Variants in PTBP3 observed in about 807,000 individuals in gnomAD.
PTBP3 encodes polypyrimidine tract binding protein 3.
PTBP3 carries 20 observed loss-of-function variants against 58.7 expected under a neutral mutation model. The ratio of observed to expected loss-of-function variants is 0.34; its 90% confidence interval spans 0.24 to 0.50. PTBP3 has a LOEUF of 0.50. Among genes scored for constraint, PTBP3 ranks in the 20% least tolerant of loss-of-function variants. PTBP3 has a pLI of 0.98. For synonymous variants in PTBP3, 185 were observed against 219.8 expected (o/e 0.84, Z 1.40); for missense variants, 509 against 637.2 (o/e 0.80, Z 2.17).
At chr9:112,357,182 T>C in the PTBP3 span, among the ~76,000 whole-genome samples, 1 of 151,934 alleles carries the variant, frequency 6.6e-6, no homozygotes, top group African/African-American at 2.4e-5. Flanking sequence ...GCACCCGGCC[T>C]CCCTCTACCT....
In PTBP3 at chr9:112,301,915, A is replaced by G. The variant is rs182078709; in HGVS notation, c.-51-3999T>C. 3.9e-5 allele frequency among the ~76,000 whole-genome samples: 6 copies of G among 152,304 alleles called. No individual in the cohort carries two copies. In the East Asian group the frequency reaches 9.6e-4, roughly 24 times the overall value. ...TAAAATTAAAATTAAAAAATAAAAT[A>G]TAGGACAACAGGTACTTCATTCTCA... On this transcript the variant is annotated intron_variant, in intron 1 of 13. Transcript: ENST00000374257.
At chr9:112,259,726 T>G (rs1007331945) in intron 5 of PTBP3, among the ~76,000 whole-genome samples, 5 of 152,228 alleles carry the variant, frequency 3.3e-5, no homozygotes, top group African/African-American at 7.2e-5. Context: ...GGACCAATTT[T>G]CAGCAAAGAA....
intron 7 of PTBP3, among the ~76,000 whole-genome samples, chr9:112,248,907 G>A (rs1424872876): frequency 1.3e-5 from 2 of 152,056 alleles, no homozygotes; most frequent in African/African-American, 4.8e-5. Flanking sequence ...TCTTCCAATG[G>A]GATACTACAG....
chr9:112,282,236 T>C (rs1408427031), intron 2 of PTBP3, among the ~76,000 whole-genome samples: 1 of 152,200 alleles, frequency 6.6e-6, no homozygotes, highest in Non-Finnish European at 1.5e-5. Flanking sequence ...GACTGTAGAA[T>C]CATTCTTGAT....
rs1466750725 is a variant in PTBP3, at chr9:112,220,118, CA to C, written c.*3732del. On this transcript the variant is annotated 3_prime_UTR_variant, in exon 14 of 14. Coordinates refer to ENST00000374257, the MANE Select transcript of PTBP3 (RefSeq NM_001163788.4). The stretch of plus-strand genomic sequence containing the variant: ...TGTCTCTTTTTGGTTTTAAAAATAG[CA>C]GTACACATTAGGTTTTCTAAGGGAT... The C allele has an allele frequency of 3.9e-6, 5 of 1,269,310 alleles. No homozygotes were observed. The highest frequency in any genetic ancestry group is 5.1e-6 in the Non-Finnish European group (5 of 978,798). The allele number at this position is 1,269,310 out of a possible 1,614,324, so 78.6% of individuals were successfully genotyped here.
chr9:112,275,271 G>C (rs1827561827), intron 3 of PTBP3, among the ~76,000 whole-genome samples: 1 of 152,080 alleles, frequency 6.6e-6, no homozygotes, highest in Non-Finnish European at 1.5e-5. Flanking sequence ...AAGTAGCTGG[G>C]ATTACAGGCA....
At chr9:112,224,848 A>G (rs989546672) in intron 12 of PTBP3, among the ~76,000 whole-genome samples, 1 of 152,222 alleles carries the variant, frequency 6.6e-6, no homozygotes, top group Non-Finnish European at 1.5e-5. Context: ...CCGTGAAGAC[A>G]CTATGGAGAA....
intron 1 of PTBP3, among the ~76,000 whole-genome samples, chr9:112,304,357 T>A (rs1587863030): frequency 6.6e-6 from 1 of 152,268 alleles, no homozygotes; most frequent in East Asian, 1.9e-4. Context: ...AAGGAAAAAT[T>A]TTCACTGTAA....
In PTBP3 at chr9:112,224,773, T is replaced by C. The variant is rs111372755; in HGVS notation, c.1365-563A>G. 9.5e-3 allele frequency among the ~76,000 whole-genome samples: 1,447 copies of C among 152,278 alleles called. 24 individuals carry two copies. Among genetic ancestry groups the C allele is most frequent in the African/African-American group, 0.033 (1,357 of 41,554 alleles). On this transcript the variant is annotated intron_variant, in intron 12 of 13. Coordinates refer to ENST00000374257, the MANE Select transcript of PTBP3 (RefSeq NM_001163788.4). Reference sequence around the variant, plus strand: ...CTGTAGAAATGACAATGTGTGACTTTTGAAGCTGAGAGACATTGTGGTTTC... The same window carrying C: ...CTGTAGAAATGACAATGTGTGACTTCTGAAGCTGAGAGACATTGTGGTTTC...
At chr9:112,228,537 T>A in intron 10 of PTBP3, 65 bp from the exon 11 acceptor site, 1 of 1,145,760 alleles carries the variant, frequency 8.7e-7, no homozygotes, top group Non-Finnish European at 1.2e-6. Context: ...TTAATTTTAC[T>A]AATATACTTA....
chr9:112,286,597 T>C (rs925134638), intron 2 of PTBP3, among the ~76,000 whole-genome samples: 2 of 152,190 alleles, frequency 1.3e-5, no homozygotes, highest in Non-Finnish European at 2.9e-5. Context: ...CTATCCTTTG[T>C]GGTACTGTTG....
chr9:112,225,487 G>GTCA (rs1834947982), intron 12 of PTBP3, among the ~76,000 whole-genome samples: 1 of 152,126 alleles, frequency 6.6e-6, no homozygotes, highest in African/African-American at 2.4e-5. Context: ...ATGGACAGAG[G>GTCA]TGACGGTCGC....
chr9:112,351,985 C>CT, the PTBP3 span, among the ~76,000 whole-genome samples: 2 of 151,668 alleles, frequency 1.3e-5, no homozygotes, highest in African/African-American at 4.8e-5. Context: ...GAGTCTCACT[C>CT]TGTTATCCCA....
chr9:112,259,557 T>G (rs1047051777), intron 5 of PTBP3, among the ~76,000 whole-genome samples: 1 of 152,172 alleles, frequency 6.6e-6, no homozygotes, highest in African/African-American at 2.4e-5. Flanking sequence ...ACTTATATCT[T>G]CACATCCTAT....
the PTBP3 span, among the ~76,000 whole-genome samples, chr9:112,356,836 A>ACCAT: frequency 6.7e-6 from 1 of 148,176 alleles, no homozygotes; most frequent in African/African-American, 2.5e-5. Context: ...TTTGGCCCCA[A>ACCAT]CCATTTCATT....
At chr9:112,288,103 T>C (rs1828222494) in intron 2 of PTBP3, among the ~76,000 whole-genome samples, 1 of 152,218 alleles carries the variant, frequency 6.6e-6, no homozygotes, top group Non-Finnish European at 1.5e-5. Flanking sequence ...GTTTTGGAGT[T>C]TGTTTTTAAG....
chr9:112,220,569 A>G lies in PTBP3; in HGVS notation c.*3282T>C. The G allele has an allele frequency of 9.9e-7, 1 of 1,005,734 alleles. No homozygotes were observed. The highest frequency in any genetic ancestry group is 1.2e-6 in the Non-Finnish European group (1 of 841,848). 62.3% of individuals were successfully genotyped at this position (1,005,734 alleles called of 1,614,324 possible). A position where few individuals can be genotyped will look rare whatever the true frequency, so the allele number is the denominator to read the frequency against. ...CAGCAACTTTTAACAGTAAATCAGA[A>G]ACATTACTTCAAATAATTGATTTCA... On this transcript the variant is annotated 3_prime_UTR_variant, in exon 14 of 14. Coordinates refer to ENST00000374257, the MANE Select transcript of PTBP3 (RefSeq NM_001163788.4).
chr9:112,357,562 C>T, the PTBP3 span, among the ~76,000 whole-genome samples: 10 of 151,978 alleles, frequency 6.6e-5, no homozygotes, highest in African/African-American at 1.7e-4. Context: ...TTGCCCAGGC[C>T]GGTCTTAAAC....
rs1267967025 is a variant in PTBP3 at position 112,322,851 on chromosome 9, C to A, written c.-52+10619G>T. ...AGTTGTTTTTCAGTTGCTATGGACC[C>A]CGAGGTGGTAGGTCACATAACACGG... On this transcript the variant is annotated intron_variant, in intron 1 of 13. Coordinates refer to ENST00000374257, the MANE Select transcript of PTBP3 (RefSeq NM_001163788.4). Among the ~76,000 whole-genome samples, 29 of 152,196 alleles carry A rather than the reference C, an allele frequency of 1.9e-4. 2 individuals are homozygous for A. Among genetic ancestry groups the A allele is most frequent in the Non-Finnish European group, 1.5e-5 (1 of 68,040 alleles).
Sources: allele counts gnomAD v4.1 joint callset (sites outside exome capture counted in the v4.1 genomes callset), GRCh38; gene constraint gnomAD v4.1.1; transcripts MANE v1.5; gene names NCBI Gene and HGNC (gene_info 2026-07-23, HGNC 2026-07-21).